Variants in ATP2C1 observed in about 807,000 individuals in gnomAD.
ATP2C1 encodes the protein ATPase secretory pathway Ca2+ transporting 1.
Under a neutral mutation model 120.5 loss-of-function variants are expected in ATP2C1, and 31 were observed. The ratio of observed to expected loss-of-function variants is 0.26; its 90% CI spans 0.19 to 0.35. ATP2C1 has a LOEUF of 0.35. Ranked by LOEUF, ATP2C1 falls within the 10% of genes least tolerant of loss-of-function variation. The pLI is 1.00. For missense variants in ATP2C1, 731 were observed against 1,107.5 expected (o/e 0.66, Z 4.83); for synonymous variants, 351 against 358.7 (o/e 0.98, Z 0.24).
Position 130,930,416 on chromosome 3 carries a change from G to C in ATP2C1, c.7G>C (p.Val3Leu), listed in dbSNP as rs148243014. MK[V>L]ARFQKIPNGE... ...TTTTTTCTTTGGTTTTACTTCCTAG[G>C]TTGCACGTTTTCAAAAAATACCTAA... The change falls in exon 3 of 28, where the codon GTT (valine) becomes CTT (leucine). Residue 3 changes from valine to leucine, a missense_variant and splice_region_variant. Physicochemically the swap from Val to Leu is conservative, Grantham distance 32 (BLOSUM62 1). Coordinates refer to ENST00000510168, the MANE Select transcript of ATP2C1 (RefSeq NM_001378687.1). The C allele has an allele frequency of 2.5e-6, 4 of 1,593,280 alleles. No homozygotes were observed. The African/African-American group carries it at 5.4e-5, about 21-fold the overall frequency.
rs2069347132 is a variant in ATP2C1 at position 130,894,093 on chromosome 3, C to T, written c.-425C>T. The T allele has an allele frequency of 6.1e-6, 6 of 977,062 alleles. No homozygotes were observed. The highest frequency in any genetic ancestry group is 6.1e-6 in the Non-Finnish European group (5 of 822,330). 60.5% of individuals were successfully genotyped at this position (977,062 alleles called of 1,614,324 possible). On this transcript the variant is annotated 5_prime_UTR_variant, in exon 1 of 28. The change creates a new upstream start codon in the 5' untranslated region. Coordinates refer to ENST00000510168, the MANE Select transcript of ATP2C1 (RefSeq NM_001378687.1). This position sits in a 1 kb window ranked among gnomAD's most constrained non-coding sequence, Gnocchi z 4.5. ...AGTCGGAGGCGGGAGCAGACCAGCA[C>T]GGCCTCGCGGAGCCGGCCCGGCGGA...
At chr3:130,907,174 A>G (rs1375967660) in intron 2 of ATP2C1, among the ~76,000 whole-genome samples, 1 of 152,012 alleles carries the variant, frequency 6.6e-6, no homozygotes, top group Non-Finnish European at 1.5e-5. Flanking sequence ...TTTACCTAAG[A>G]GTGTTCACTG....
chr3:130,936,129 C>T (rs528867798), intron 5 of ATP2C1, among the ~76,000 whole-genome samples: 2 of 152,178 alleles, frequency 1.3e-5, no homozygotes, highest in South Asian at 4.1e-4. Context: ...TTTGTATGCA[C>T]TCTTATGGGC....
intron 11 of ATP2C1, among the ~76,000 whole-genome samples, chr3:130,956,777 CT>C (rs967133223): frequency 6.6e-6 from 1 of 152,052 alleles, no homozygotes; most frequent in East Asian, 1.9e-4. Flanking sequence ...TAAAAGAGTT[CT>C]CATTATTTGA....
chr3:131,016,309 T>C lies in ATP2C1; in HGVS notation c.*120T>C, dbSNP rs781578485. The C allele has an allele frequency of 5.6e-6, 9 of 1,614,036 alleles. No homozygotes were observed. In the Admixed American group the frequency reaches 1.5e-4, roughly 27 times the overall value. On this transcript the variant is annotated 3_prime_UTR_variant, in exon 27 of 27. Coordinates refer to the ATP2C1 transcript ENST00000328560. The stretch of plus-strand genomic sequence containing the variant: ...TCTTTGGAACTCTGCATACAACATC[T>C]TAGCACCATCTTCCTGCAGCTCTTC...
At chr3:130,946,916 A>G (rs567833219) in intron 8 of ATP2C1, among the ~76,000 whole-genome samples, 1 of 152,364 alleles carries the variant, frequency 6.6e-6, no homozygotes, top group African/African-American at 2.4e-5. Context: ...AACCATGTAC[A>G]GCACATTGTA....
At chr3:130,972,447 C>CTTCT (rs2061359153) in intron 17 of ATP2C1, among the ~76,000 whole-genome samples, 1 of 151,378 alleles carries the variant, frequency 6.6e-6, no homozygotes, top group Non-Finnish European at 1.5e-5. Flanking sequence ...GCTCATGGAG[C>CTTCT]TTCTAGTCTT....
rs2062481453 is a variant in ATP2C1, at chr3:130,994,032, C to G, written c.1991C>G (p.Thr664Ser). ...GACATTGGAGTTGCGATGGGCCAGA[C>G]TGGTACAGATGTTTGCAAAGAGGCA... is the stretch of plus-strand genomic sequence containing the variant. ...AADIGVAMGQ[T>S]GTDVCKEAAD... Residue 664 changes from threonine (T) to serine (S), a missense_variant, in exon 22 of 28, where the codon ACT becomes AGT. Transcript: ENST00000510168. 6.2e-7 allele frequency: 1 copy of G among 1,614,008 alleles called. No individual in the cohort carries two copies. Among genetic ancestry groups the G allele is most frequent in the Non-Finnish European group, 8.5e-7 (1 of 1,180,016 alleles).
intron 15 of ATP2C1, 32 bp downstream of exon 15, chr3:130,967,272 T>G: frequency 6.2e-7 from 1 of 1,612,410 alleles, no homozygotes; most frequent in Non-Finnish European, 8.5e-7. Flanking sequence ...ATGGTGACTT[T>G]CTTCATAATA....
intron 6 of ATP2C1, among the ~76,000 whole-genome samples, chr3:130,940,237 G>A (rs978364613): frequency 6.6e-6 from 1 of 152,182 alleles, no homozygotes; most frequent in African/African-American, 2.4e-5. Flanking sequence ...TAAAGCAGAT[G>A]TTGTTTACGG....
chr3:130,954,101 C>T (rs1335031686), intron 9 of ATP2C1, 125 bp downstream of exon 9: 9 of 994,508 alleles, frequency 9.0e-6, no homozygotes, highest in Non-Finnish European at 1.1e-5. Context: ...GAACTTAACC[C>T]ATTACATCTA....
Position 131,003,112 on chromosome 3 carries a change from G to C in ATP2C1, c.*1762G>C. 1.0e-6 allele frequency: 1 copy of C among 982,468 alleles called. No individual in the cohort carries two copies. Among genetic ancestry groups the C allele is most frequent in the Non-Finnish European group, 1.2e-6 (1 of 826,868 alleles). The allele number at this position is 982,468 out of a possible 1,614,324, so 60.9% of individuals were successfully genotyped here. A position where few individuals can be genotyped will look rare whatever the true frequency, so the allele number is the denominator to read the frequency against. On this transcript the variant is annotated 3_prime_UTR_variant, in exon 28 of 28. Transcript: ENST00000510168. ...AATAAATGTGCCTATACATTCATTT[G>C]CTTTGTACTATAAAAATAAAAATGA...
chr3:130,984,582 C>G (rs2061912138), intron 20 of ATP2C1, among the ~76,000 whole-genome samples: 1 of 152,062 alleles, frequency 6.6e-6, no homozygotes, highest in East Asian at 1.9e-4. Flanking sequence ...TTTTATTTCT[C>G]AACTTCTAAT....
intron 24 of ATP2C1, among the ~76,000 whole-genome samples, chr3:130,997,178 A>G (rs889413501): frequency 6.6e-6 from 1 of 152,134 alleles, no homozygotes; most frequent in African/African-American, 2.4e-5. Flanking sequence ...AGAGGACCTG[A>G]GTGTCATAAC....
chr3:130,875,615 C>T (rs2068575820), intron 1 of ATP2C1, among the ~76,000 whole-genome samples: 1 of 151,928 alleles, frequency 6.6e-6, no homozygotes, highest in Admixed American at 6.6e-5. Context: ...CTTCAATATA[C>T]TGATTTGCTT....
rs1382229144 is a variant in ATP2C1, at chr3:130,910,597, C to T, written c.6+15822C>T. Among the ~76,000 whole-genome samples the T allele has an allele frequency of 7.3e-3, 867 of 119,448 alleles. 11 individuals carry two copies. The highest frequency in any genetic ancestry group is 0.026 in the African/African-American group (773 of 30,000). The allele number at this position is 119,448 out of a possible 152,430, so 78.4% of individuals were successfully genotyped here. A position where few individuals can be genotyped will look rare whatever the true frequency, so the allele number is the denominator to read the frequency against. On this transcript the variant is annotated intron_variant, in intron 2 of 27. Coordinates refer to ENST00000510168, the MANE Select transcript of ATP2C1 (RefSeq NM_001378687.1). The stretch of plus-strand genomic sequence containing the variant: ...TTGGCTGTGAGTTTGTCATAGATAG[C>T]TCTTATTATTTTGAAATACGTCCCA...
chr3:130,881,167 G>A (rs2068767767), intron 1 of ATP2C1, among the ~76,000 whole-genome samples: 1 of 152,156 alleles, frequency 6.6e-6, no homozygotes, highest in South Asian at 2.1e-4. Flanking sequence ...AGGAGGCCTA[G>A]GCTATTAATG....
At chr3:130,972,526 G>C (rs1355300923) in intron 17 of ATP2C1, among the ~76,000 whole-genome samples, 1 of 149,836 alleles carries the variant, frequency 6.7e-6, no homozygotes, top group Admixed American at 6.6e-5. Context: ...ACAATGTGCC[G>C]GTTAGTTACA....
At chr3:130,985,438 G>A (rs2108815994) in intron 20 of ATP2C1, among the ~76,000 whole-genome samples, 1 of 152,200 alleles carries the variant, frequency 6.6e-6, no homozygotes, top group Non-Finnish European at 1.5e-5. Flanking sequence ...TTCGAGACCT[G>A]CCTGGCCAAC....
Sources: gnomAD v4.1 joint callset for allele counts (sites outside exome capture counted in the v4.1 genomes callset) on GRCh38, gnomAD v4.1.1 for gene constraint, Gnocchi (gnomAD v3.1) non-coding constraint, MANE v1.5 for transcripts, NCBI Gene and HGNC (gene_info 2026-07-23, HGNC 2026-07-21) for gene names.